Variants in ATF7IP observed in about 807,000 individuals in gnomAD.
ATF7IP encodes the protein activating transcription factor 7 interacting protein.
Under a neutral mutation model 106.4 loss-of-function variants are expected in ATF7IP, and 23 were observed. The ratio of observed to expected loss-of-function variants is 0.22; its 90% CI spans 0.16 to 0.31. The LOEUF is 0.31. Among genes scored for constraint, ATF7IP ranks in the 10% least tolerant of loss-of-function variants. ATF7IP has a pLI of 1.00. For synonymous variants in ATF7IP, 542 were observed against 539.0 expected, an observed-to-expected ratio of 1.01 and a Z score of -0.08; for missense variants, 1,334 against 1,524.3, an observed-to-expected ratio of 0.88 and a Z score of 2.08.
chr12:14,399,338 TTG>T (rs946714957), intron 1 of ATF7IP, among the ~76,000 whole-genome samples: 16 of 152,028 alleles, frequency 1.1e-4, no homozygotes, highest in Non-Finnish European at 2.4e-4. Context: ...TTTGAGGATA[TTG>T]TTTTTTTTTT....
chr12:14,461,056 T>C lies in ATF7IP; in HGVS notation c.2720T>C (p.Ile907Thr). 1 of 1,614,120 alleles carries C rather than the reference T, an allele frequency of 6.2e-7. No homozygotes were observed. Among genetic ancestry groups the C allele is most frequent in the Non-Finnish European group, 8.5e-7 (1 of 1,180,000 alleles). Residue 907 changes from isoleucine to threonine, a missense_variant, in exon 9 of 15, where the codon ATA becomes ACA. Transcript: ENST00000261168. ...AGTCCATCAACTAATCGAGGTCCTA[T>C]ACAGATGAAAATTCCAATTTCTGCA... ...LYSPSTNRGP[I>T]QMKIPISAFS...
intron 6 of ATF7IP, among the ~76,000 whole-genome samples, chr12:14,452,866 TC>T (rs1305050522): frequency 6.6e-6 from 1 of 152,188 alleles, no homozygotes; most frequent in Non-Finnish European, 1.5e-5. Context: ...TGAAGGGCTT[TC>T]TTCAGCACTT....
At position 14,475,984 on chromosome 12, in the gene ATF7IP, T is replaced by C; in HGVS notation, c.2941+16T>C. 1 of 1,599,986 alleles carries C rather than the reference T, an allele frequency of 6.3e-7. No homozygotes were observed. The highest frequency in any genetic ancestry group is 1.1e-5 in the South Asian group (1 of 90,836). ...GCTTCACAAGGTACTTCAATAGTAA[T>C]TGTACTAAGCAACGTTTTGATACCA... On this transcript the variant is annotated intron_variant, in intron 11 of 14. Transcript: ENST00000261168.
chr12:14,485,631 G>A (rs1343091007), intron 13 of ATF7IP, among the ~76,000 whole-genome samples: 1 of 152,150 alleles, frequency 6.6e-6, no homozygotes, highest in Non-Finnish European at 1.5e-5. Context: ...ACACCCCTGA[G>A]GTAAGACAGT....
chr12:14,423,979 G>T lies in ATF7IP; in HGVS notation c.64G>T (p.Asp22Tyr). ...GGCTCGAAAAACGATGAGAGTGAGT[G>T]ATCGTCAGCAACTTGAAGCAGTGTA... Reference protein sequence around the residue: ...FKARKTMRVSDRQQLEAVYKV... With the variant: ...FKARKTMRVSYRQQLEAVYKV... The change falls in exon 2 of 15, where the codon GAT (aspartate) becomes TAT (tyrosine). Residue 22 changes from aspartate (D) to tyrosine (Y), a missense_variant. Transcript: ENST00000261168. 6.2e-7 allele frequency: 1 copy of T among 1,614,040 alleles called. No homozygotes were observed. Among genetic ancestry groups the T allele is most frequent in the Non-Finnish European group, 8.5e-7 (1 of 1,179,990 alleles).
chr12:14,440,556 A>G (rs1050767264), intron 5 of ATF7IP, among the ~76,000 whole-genome samples: 3 of 152,142 alleles, frequency 2.0e-5, no homozygotes, highest in Admixed American at 6.5e-5. Flanking sequence ...TCACTCACCC[A>G]TGATCATGTG....
intron 1 of ATF7IP, among the ~76,000 whole-genome samples, chr12:14,404,657 A>G (rs2136475278): frequency 1.3e-5 from 2 of 150,830 alleles, no homozygotes; most frequent in South Asian, 2.1e-4. Flanking sequence ...ATATTTCACA[A>G]CTCTCTTTTT....
At chr12:14,397,039 G>C (rs1369839755) in intron 1 of ATF7IP, among the ~76,000 whole-genome samples, 1 of 152,194 alleles carries the variant, frequency 6.6e-6, no homozygotes, top group Non-Finnish European at 1.5e-5. Flanking sequence ...GCGCACGCCT[G>C]TCATTCCAGC....
chr12:14,452,745 A>G (rs1008924114), intron 6 of ATF7IP, among the ~76,000 whole-genome samples: 3 of 152,100 alleles, frequency 2.0e-5, no homozygotes, highest in Non-Finnish European at 4.4e-5. Context: ...TGGTTTATGC[A>G]CCAATATAAC....
intron 2 of ATF7IP, among the ~76,000 whole-genome samples, chr12:14,430,357 G>T (rs1942056456): frequency 6.6e-6 from 1 of 152,204 alleles, no homozygotes; most frequent in African/African-American, 2.4e-5. Context: ...TGGTGGAGTG[G>T]AAAACCTGAT....
intron 13 of ATF7IP, among the ~76,000 whole-genome samples, chr12:14,484,011 G>T (rs1437863639): frequency 2.6e-5 from 4 of 152,088 alleles, no homozygotes; most frequent in Non-Finnish European, 4.4e-5. Context: ...ACCCATATCT[G>T]GAGTAAGTGT....
At chr12:14,446,962 A>ATTT in intron 5 of ATF7IP, 26 bp from the exon 6 acceptor site, 5 of 1,307,634 alleles carry the variant, frequency 3.8e-6, no homozygotes, top group South Asian at 3.3e-5. Context: ...ATTTCCATTC[A>ATTT]TTTTTGTCTT....
intron 1 of ATF7IP, among the ~76,000 whole-genome samples, chr12:14,395,839 TG>T (rs1338905683): frequency 6.6e-6 from 1 of 152,116 alleles, no homozygotes; most frequent in Non-Finnish European, 1.5e-5. Context: ...TTTAATAAAG[TG>T]ATTTTTAAAA....
intron 13 of ATF7IP, among the ~76,000 whole-genome samples, chr12:14,492,732 C>T (rs1320260790): frequency 2.0e-5 from 3 of 152,172 alleles, no homozygotes; most frequent in African/African-American, 7.2e-5. Flanking sequence ...TAGCTATGCC[C>T]ACATTGCCTT....
intron 1 of ATF7IP, among the ~76,000 whole-genome samples, chr12:14,399,567 C>T (rs1044018617): frequency 6.6e-6 from 1 of 151,692 alleles, no homozygotes; most frequent in African/African-American, 2.4e-5. Flanking sequence ...TATATTTTTT[C>T]AGCTTTGCTG....
chr12:14,438,753 C>T (rs1301026966), intron 5 of ATF7IP, among the ~76,000 whole-genome samples: 1 of 152,190 alleles, frequency 6.6e-6, no homozygotes, highest in Non-Finnish European at 1.5e-5. Context: ...CTAATTACCT[C>T]TGCAATGACC....
intron 13 of ATF7IP, among the ~76,000 whole-genome samples, chr12:14,492,355 C>T (rs1944856107): frequency 6.6e-6 from 1 of 151,786 alleles, no homozygotes; most frequent in African/African-American, 2.4e-5. Context: ...CCGCAATGCA[C>T]AGTTACCCTG....
At chr12:14,372,250 T>C (rs1348548790) in intron 1 of ATF7IP, among the ~76,000 whole-genome samples, 1 of 152,026 alleles carries the variant, frequency 6.6e-6, no homozygotes, top group Non-Finnish European at 1.5e-5. Flanking sequence ...ACAAAGAAAA[T>C]TAAACTTTTT....
At position 14,470,435 on chromosome 12, in the gene ATF7IP, G is replaced by A. The variant is rs144774664; in HGVS notation, c.2862+3845G>A. On this transcript the variant is annotated intron_variant, in intron 10 of 14. Coordinates refer to ENST00000261168, the MANE Select transcript of ATF7IP (RefSeq NM_018179.5). ...GGTTTCAGTTTGTAAAAACATAAAC[G>A]TGTTTCTGATTAGATTTCTCAGACA... 4.1e-4 allele frequency among the ~76,000 whole-genome samples: 62 copies of A among 152,164 alleles called. No homozygotes were observed. In the East Asian group the frequency reaches 9.1e-3, roughly 22 times the overall value.
Sources: allele counts gnomAD v4.1 joint callset (sites outside exome capture counted in the v4.1 genomes callset), GRCh38; gene constraint gnomAD v4.1.1; transcripts MANE v1.5; gene names NCBI Gene and HGNC (gene_info 2026-07-23, HGNC 2026-07-21).